Variants in PCDHA1 observed in about 807,000 individuals in gnomAD.
PCDHA1 encodes protocadherin alpha-1.
PCDHA1 carries 42 observed loss-of-function variants against 61.3 expected under a neutral mutation model. The observed-to-expected ratio is 0.69, with a 90% CI of 0.54 to 0.89. PCDHA1 has a LOEUF of 0.89. Ranked by LOEUF, PCDHA1 falls within the 40% of genes least tolerant of loss-of-function variation. The pLI is 0.00. For missense variants in PCDHA1, 1,256 were observed against 1,235.3 expected (o/e 1.02, Z -0.25); for synonymous variants, 610 against 553.8 (o/e 1.10, Z -1.43).
At chr5:140,845,692 G>A (rs1440776749) in intron 1 of PCDHA1, among the ~76,000 whole-genome samples, 1 of 149,364 alleles carries the variant, frequency 6.7e-6, no homozygotes, top group Non-Finnish European at 1.5e-5. Flanking sequence ...TTGTTATTCA[G>A]TTCCTTGGCA....
chr5:140,863,782 C>T (rs570936581), intron 1 of PCDHA1: 24 of 228,258 alleles, frequency 1.1e-4, no homozygotes, highest in Non-Finnish European at 1.2e-4. Flanking sequence ...GCGGATCACT[C>T]GAGGCCAGGA....
chr5:140,876,155 T>C lies in PCDHA1; in HGVS notation c.2394+87471T>C, dbSNP rs1554168308. Reference sequence around the variant, plus strand: ...CCAGAACTAACAGGGTCTGTCCAGATTCAAATAACCGTCCTGGATGTGAAT... The same window carrying C: ...CCAGAACTAACAGGGTCTGTCCAGACTCAAATAACCGTCCTGGATGTGAAT... On this transcript the variant is annotated intron_variant, in intron 1 of 3. Coordinates refer to ENST00000504120, the MANE Select transcript of PCDHA1 (RefSeq NM_018900.4). 3 of 1,613,994 alleles carry C rather than the reference T, an allele frequency of 1.9e-6. No homozygotes were observed. Among genetic ancestry groups the C allele is most frequent in the Admixed American group, 3.3e-5 (2 of 60,026 alleles).
intron 1 of PCDHA1, among the ~76,000 whole-genome samples, chr5:140,915,626 G>GTCTCTC (rs57920489): frequency 0.011 from 1,557 of 146,506 alleles, 25 homozygotes; most frequent in African/African-American, 0.018. Flanking sequence ...GTCTCTTTCT[G>GTCTCTC]TCTCTCTCTC....
chr5:140,848,909 G>A lies in PCDHA1; in HGVS notation c.2394+60225G>A, dbSNP rs2150424301. On this transcript the variant is annotated intron_variant, in intron 1 of 3. Coordinates refer to ENST00000504120, the MANE Select transcript of PCDHA1 (RefSeq NM_018900.4). ...CTCCAGTGTTCCCAGCGACACAAAA[G>A]AATCTGTTCATCGCGGAATCCAGGC... 5 of 1,608,122 alleles carry A rather than the reference G, an allele frequency of 3.1e-6. No homozygotes were observed. In the African/African-American group the frequency reaches 4.1e-5, roughly 13 times the overall value.
At chr5:140,844,958 C>T (rs1211127750) in intron 1 of PCDHA1, among the ~76,000 whole-genome samples, 1 of 149,184 alleles carries the variant, frequency 6.7e-6, no homozygotes, top group Non-Finnish European at 1.5e-5. Context: ...TGAATTCTTA[C>T]AGTTTGTTAT....
chr5:140,897,361 G>A (rs1455815825), intron 1 of PCDHA1, among the ~76,000 whole-genome samples: 1 of 123,218 alleles, frequency 8.1e-6, no homozygotes, highest in Non-Finnish European at 1.6e-5. Context: ...TGTCCCCAGA[G>A]TGTGATGTTC....
At chr5:140,943,479 TAATA>T (rs1447671932) in intron 1 of PCDHA1, among the ~76,000 whole-genome samples, 1 of 151,960 alleles carries the variant, frequency 6.6e-6, no homozygotes, top group African/African-American at 2.4e-5. Context: ...TACAGTAAAA[TAATA>T]AATAGATGCT....
intron 1 of PCDHA1, among the ~76,000 whole-genome samples, chr5:140,895,039 C>T (rs1274502441): frequency 6.6e-6 from 1 of 152,060 alleles, no homozygotes. Context: ...GTCCCCCACC[C>T]ACACCATTCT....
At chr5:140,856,949 ATAAAAG>A in intron 1 of PCDHA1, 1 of 1,592,772 alleles carries the variant, frequency 6.3e-7, no homozygotes, top group Non-Finnish European at 8.6e-7. Context: ...GACGGGAGAA[ATAAAAG>A]TAAATGATGC....
At chr5:140,824,029 C>T (rs1470946833) in intron 1 of PCDHA1, 1 of 1,614,040 alleles carries the variant, frequency 6.2e-7, no homozygotes, top group African/African-American at 1.3e-5. Flanking sequence ...GTACTCGCAG[C>T]AGAGGAGACA....
intron 1 of PCDHA1, chr5:140,966,615 G>C (rs1423136904): frequency 3.9e-6 from 3 of 773,600 alleles, no homozygotes; most frequent in Non-Finnish European, 5.6e-6. Flanking sequence ...GAGGGCCTAC[G>C]GAGGGAGCGG....
intron 1 of PCDHA1, chr5:140,807,043 C>A: frequency 1.0e-6 from 1 of 988,306 alleles, no homozygotes. Context: ...AGGGAAAATT[C>A]CTTCTATTCT....
At chr5:140,898,099 A>C (rs1469393554) in intron 1 of PCDHA1, among the ~76,000 whole-genome samples, 2 of 152,168 alleles carry the variant, frequency 1.3e-5, no homozygotes, top group African/African-American at 4.8e-5. Flanking sequence ...GCCCTTTGTC[A>C]GATGAGTAGG....
At chr5:140,808,507 T>A in intron 1 of PCDHA1, 3 of 1,614,038 alleles carry the variant, frequency 1.9e-6, no homozygotes, top group Non-Finnish European at 1.7e-6. Flanking sequence ...CCACGGCCAG[T>A]GTTTCTGTGG....
chr5:140,990,157 T>C (rs113813870), intron 3 of PCDHA1, among the ~76,000 whole-genome samples: 6 of 152,050 alleles, frequency 3.9e-5, no homozygotes, highest in African/African-American at 1.2e-4. Flanking sequence ...AATAGAAAGT[T>C]AGGGTATGAA....
At chr5:140,829,959 G>A (rs2150178613) in intron 1 of PCDHA1, 1 of 1,613,960 alleles carries the variant, frequency 6.2e-7, no homozygotes, top group Non-Finnish European at 8.5e-7. Flanking sequence ...TTCCCGTTTC[G>A]CGTGGGGCTG....
intron 1 of PCDHA1, chr5:140,836,932 C>G: frequency 4.1e-6 from 2 of 485,222 alleles, no homozygotes; most frequent in Non-Finnish European, 3.5e-6. Context: ...ATGCGTAATA[C>G]TATAGATCAA....
intron 1 of PCDHA1, among the ~76,000 whole-genome samples, chr5:140,833,934 C>T (rs2150212235): frequency 1.3e-5 from 2 of 152,148 alleles, no homozygotes; most frequent in Admixed American, 1.3e-4. Context: ...CATGTTGTCA[C>T]TTAGGTTTCT....
chr5:140,887,446 C>T (rs554116341), intron 1 of PCDHA1, among the ~76,000 whole-genome samples: 1 of 152,170 alleles, frequency 6.6e-6, no homozygotes, highest in East Asian at 1.9e-4. Flanking sequence ...GCATAGTTGA[C>T]AGTTTTTTAA....
Sources: allele counts gnomAD v4.1 joint callset (sites outside exome capture counted in the v4.1 genomes callset), GRCh38; gene constraint gnomAD v4.1.1; transcripts MANE v1.5; gene names NCBI Gene and HGNC (gene_info 2026-07-23, HGNC 2026-07-21).